Variants in CSF2RB observed in about 807,000 individuals in gnomAD.
CSF2RB encodes the protein cytokine receptor common subunit beta.
A neutral mutation model predicts 67.2 loss-of-function variants in CSF2RB; 22 were observed. The ratio of observed to expected loss-of-function variants is 0.33; its 90% CI spans 0.23 to 0.47. The LOEUF is 0.47. Ranked by LOEUF, CSF2RB falls within the 20% of genes least tolerant of loss-of-function variation. The pLI, the probability that CSF2RB is intolerant of heterozygous loss-of-function variation, is 1.00. For synonymous variants in CSF2RB, 507 were observed against 482.9 expected (o/e 1.05, Z -0.65); for missense variants, 1,113 against 1,174.5 (o/e 0.95, Z 0.76).
chr22:36,935,551 A>G, intron 11 of CSF2RB, 79 bp from the exon 12 acceptor site: 1 of 1,609,274 alleles, frequency 6.2e-7, no homozygotes, highest in Non-Finnish European at 8.5e-7. Flanking sequence ...CCTGGGCCTC[A>G]GTTTCCCCTC....
Position 36,938,197 on chromosome 22 carries a change from G to A in CSF2RB, c.2389G>A (p.Gly797Arg). ...GGCCAAAAGCCCTGTCCTGAACCCA[G>A]GGGAACGCCCGGCAGATGTGTCCCC... is the stretch of plus-strand genomic sequence containing the variant. Reference protein sequence around the residue: ...PEAKSPVLNPGERPADVSPTS... With the variant: ...PEAKSPVLNPRERPADVSPTS... Residue 797 changes from glycine (G) to arginine (R), a missense_variant, in exon 14 of 14, where the codon GGG becomes AGG. Gly to Arg is a moderately radical substitution (Grantham distance 125). This residue lies in a region of CSF2RB where 554 missense variants were observed against 517.9 expected (regional missense o/e 1.07). Transcript: ENST00000403662. 1 of 1,614,152 alleles carries A rather than the reference G, an allele frequency of 6.2e-7. No individual in the cohort carries two copies. Among genetic ancestry groups the A allele is most frequent in the Non-Finnish European group, 8.5e-7 (1 of 1,180,006 alleles).
rs4339047 is a variant in CSF2RB at position 36,932,926 on chromosome 22, G to C, written c.1152+22G>C. Reference sequence around the variant, plus strand: ...GAAGGTGAGGGCCTTTGCCCAGGGAGGGGAGAAACACTGGGGAGGGCGGGA... The same window carrying C: ...GAAGGTGAGGGCCTTTGCCCAGGGACGGGAGAAACACTGGGGAGGGCGGGA... On this transcript the variant is annotated intron_variant, in intron 9 of 13. Coordinates refer to ENST00000403662, the MANE Select transcript of CSF2RB (RefSeq NM_000395.3). The C allele has an allele frequency of 0.21, 341,313 of 1,612,944 alleles. 37,873 individuals carry two copies. Among genetic ancestry groups the C allele is most frequent in the African/African-American group, 0.3 (22,366 of 75,020 alleles).
intron 3 of CSF2RB, 108 bp downstream of exon 3, chr22:36,923,475 G>A: frequency 1.3e-6 from 2 of 1,483,526 alleles, no homozygotes; most frequent in Non-Finnish European, 9.2e-7. Context: ...CTCGGGGTGG[G>A]AGTGGACAGA....
chr22:36,924,676 T>C (rs1377571850), intron 3 of CSF2RB, among the ~76,000 whole-genome samples: 4 of 152,130 alleles, frequency 2.6e-5, no homozygotes, highest in South Asian at 2.1e-4. Flanking sequence ...AGTCAGCAAA[T>C]GTCCCAGGGA....
At chr22:36,928,642 G>A (rs1941077434) in intron 4 of CSF2RB, among the ~76,000 whole-genome samples, 1 of 152,220 alleles carries the variant, frequency 6.6e-6, no homozygotes, top group African/African-American at 2.4e-5. Context: ...AGAGTTCCCA[G>A]GAGATAGATG....
rs1279830196 is a variant in CSF2RB at position 36,935,430 on chromosome 22, C to T, written c.1395C>T (p.Ile465=). Residue 465 remains isoleucine, a synonymous_variant, in exon 11 of 14, where the codon ATC becomes ATT. Coordinates refer to ENST00000403662, the MANE Select transcript of CSF2RB (RefSeq NM_000395.3). ...AVLLALRFCG[I]YGYRLRRKWE... is the part of the protein sequence containing the mutation. Reference sequence around the variant, plus strand: ...TCCTGGCCCTCCGCTTCTGTGGCATCTACGGGTACAGGTGAGGGGACTCTG... The same window carrying T: ...TCCTGGCCCTCCGCTTCTGTGGCATTTACGGGTACAGGTGAGGGGACTCTG... 1.2e-6 allele frequency: 2 copies of T among 1,614,186 alleles called. No homozygotes were observed. Among genetic ancestry groups the T allele is most frequent in the Admixed American group, 3.3e-5 (2 of 60,022 alleles).
chr22:36,938,557 C>A lies in CSF2RB; in HGVS notation c.*55C>A. The A allele has an allele frequency of 6.5e-7, 1 of 1,540,122 alleles. No homozygotes were observed. Among genetic ancestry groups the A allele is most frequent in the South Asian group, 1.2e-5 (1 of 81,056 alleles). On this transcript the variant is annotated 3_prime_UTR_variant, in exon 14 of 14. Coordinates refer to ENST00000403662, the MANE Select transcript of CSF2RB (RefSeq NM_000395.3). ...GGAGAGGGCTTGCCTTCCCTCCCGCCTGACCTTCCTCAGTCATTTCTGCAA... is the reference window on the plus strand; with the variant it reads ...GGAGAGGGCTTGCCTTCCCTCCCGCATGACCTTCCTCAGTCATTTCTGCAA...
intron 1 of CSF2RB, among the ~76,000 whole-genome samples, chr22:36,920,059 T>A (rs1940819247): frequency 6.6e-6 from 1 of 152,180 alleles, no homozygotes; most frequent in African/African-American, 2.4e-5. Flanking sequence ...TTACATAACA[T>A]CCCACCCCTG....
chr22:36,932,662 TC>T (rs1941172174), intron 8 of CSF2RB, 102 bp from the exon 9 acceptor site: 1 of 1,363,268 alleles, frequency 7.3e-7, no homozygotes. Context: ...GAACCTGGGG[TC>T]TGGTGCCAGT....
At chr22:36,922,507 G>A in intron 2 of CSF2RB, 1 of 600,330 alleles carries the variant, frequency 1.7e-6, no homozygotes, top group Admixed American at 2.8e-5. Context: ...TGGCTTCCTT[G>A]CCCACATTTC....
chr22:36,938,631 G>C lies in CSF2RB; in HGVS notation c.*129G>C, dbSNP rs1431213551. 1 of 1,023,324 alleles carries C rather than the reference G, an allele frequency of 9.8e-7. No individual in the cohort carries two copies. The highest frequency in any genetic ancestry group is 2.6e-5 in the East Asian group (1 of 38,390). The allele number at this position is 1,023,324 out of a possible 1,614,324, so 63.4% of individuals were successfully genotyped here. A position where few individuals can be genotyped will look rare whatever the true frequency, so the allele number is the denominator to read the frequency against. On this transcript the variant is annotated 3_prime_UTR_variant, in exon 14 of 14. Coordinates refer to ENST00000403662, the MANE Select transcript of CSF2RB (RefSeq NM_000395.3). ...AGGTAGCTAGAGGCCTGGGAAAGGAGATAGCCTTGCTCCGGCCCCCTTGAC... is the reference window on the plus strand; with the variant it reads ...AGGTAGCTAGAGGCCTGGGAAAGGACATAGCCTTGCTCCGGCCCCCTTGAC...
intron 13 of CSF2RB, among the ~76,000 whole-genome samples, chr22:36,936,886 T>C (rs575315459): frequency 6.6e-6 from 1 of 152,214 alleles, no homozygotes; most frequent in African/African-American, 2.4e-5. Flanking sequence ...AGGGAAACAG[T>C]TGGCCTTCCC....
chr22:36,915,880 T>C (rs78577127), intron 1 of CSF2RB, among the ~76,000 whole-genome samples: 26 of 152,348 alleles, frequency 1.7e-4, no homozygotes, highest in Non-Finnish European at 3.1e-4. Flanking sequence ...GTTGTACATT[T>C]TCTATATGTG....
chr22:36,926,422 G>A (rs1941018677), intron 4 of CSF2RB, among the ~76,000 whole-genome samples: 1 of 152,234 alleles, frequency 6.6e-6, no homozygotes, highest in Non-Finnish European at 1.5e-5. Context: ...AGCACTGCAG[G>A]CTTGTCTTGA....
At chr22:36,922,871 G>A (rs73883975) in intron 2 of CSF2RB, 291 of 348,942 alleles carry the variant, frequency 8.3e-4, no homozygotes, top group African/African-American at 5.5e-3. Context: ...ACTCTGCCAC[G>A]CTGCATCCCA....
chr22:36,918,818 G>A (rs547411677), intron 1 of CSF2RB, among the ~76,000 whole-genome samples: 1 of 152,354 alleles, frequency 6.6e-6, no homozygotes, highest in Non-Finnish European at 1.5e-5. Context: ...TCCAGAGTGA[G>A]AGTGGGAATC....
intron 9 of CSF2RB, 43 bp downstream of exon 9, chr22:36,932,947 C>T (rs376140623): frequency 1.4e-4 from 222 of 1,609,342 alleles, no homozygotes; most frequent in Non-Finnish European, 1.8e-4. Flanking sequence ...CTGGGGAGGG[C>T]GGGAGAAGGG....
rs1258123377 is a variant in CSF2RB, at chr22:36,938,133, G to T, written c.2325G>T (p.Arg775=). ...GYVELPPIEG[R]SPRSPRNNPV... is the part of the protein sequence containing the mutation. ...TGGAGCTCCCTCCAATTGAGGGCCG[G>T]TCCCCCAGGTCACCAAGGAACAATC... Residue 775 remains arginine, a synonymous_variant, in exon 14 of 14, where the codon CGG becomes CGT. Coordinates refer to ENST00000403662, the MANE Select transcript of CSF2RB (RefSeq NM_000395.3). 6.2e-7 allele frequency: 1 copy of T among 1,613,916 alleles called. No homozygotes were observed. Among genetic ancestry groups the T allele is most frequent in the African/African-American group, 1.3e-5 (1 of 74,902 alleles).
intron 10 of CSF2RB, among the ~76,000 whole-genome samples, chr22:36,935,103 T>C (rs961173881): frequency 1.3e-5 from 2 of 152,160 alleles, no homozygotes; most frequent in Admixed American, 6.5e-5. Context: ...TCCTGTGCTA[T>C]AGATCCTGGA....
Sources: gnomAD v4.1 joint callset for allele counts (sites outside exome capture counted in the v4.1 genomes callset) on GRCh38, gnomAD v4.1.1 for gene constraint, gnomAD v4.1.1 regional missense constraint, MANE v1.5 for transcripts, NCBI Gene and HGNC (gene_info 2026-07-23, HGNC 2026-07-21) for gene names.